NIBAN2: variants seen among roughly 807,000 people sequenced by gnomAD.
NIBAN2 encodes niban apoptosis regulator 2.
NIBAN2 carries 36 observed loss-of-function variants against 81.8 expected under a neutral mutation model. That is an observed-to-expected ratio of 0.44 (90% CI 0.34 to 0.58). NIBAN2 has a LOEUF of 0.58. NIBAN2 is among the 20% of genes least tolerant of loss of function. The pLI is 0.02. For missense variants in NIBAN2, 897 were observed against 1,014.1 expected, an observed-to-expected ratio of 0.88 and a Z score of 1.57; for synonymous variants, 445 against 441.6, an observed-to-expected ratio of 1.01 and a Z score of -0.10.
intron 9 of NIBAN2, 22 bp from the exon 10 acceptor site, chr9:127,509,153 G>A (rs750892218): frequency 5.6e-6 from 9 of 1,593,116 alleles, no homozygotes; most frequent in East Asian, 4.5e-5. Flanking sequence ...GGGGCCGCGG[G>A]GGCTGAGCAG....
chr9:127,522,261 G>A (rs1836958434), intron 5 of NIBAN2, among the ~76,000 whole-genome samples: 1 of 152,308 alleles, frequency 6.6e-6, no homozygotes, highest in South Asian at 2.1e-4. Context: ...GGCAGAGGTG[G>A]CTCTGGAGAG....
chr9:127,513,430 A>G (rs1477241126), intron 8 of NIBAN2, among the ~76,000 whole-genome samples: 4 of 152,236 alleles, frequency 2.6e-5, no homozygotes, highest in Non-Finnish European at 4.4e-5. Flanking sequence ...ACTGGGCTGC[A>G]CTGCCAGGCG....
At chr9:127,562,651 G>C (rs1362152650) in intron 1 of NIBAN2, among the ~76,000 whole-genome samples, 1 of 152,204 alleles carries the variant, frequency 6.6e-6, no homozygotes, top group Non-Finnish European at 1.5e-5. Flanking sequence ...CCCTCTAAAT[G>C]CCCAGGTTGG....
chr9:127,577,293 G>A (rs562775500), intron 1 of NIBAN2, among the ~76,000 whole-genome samples: 3 of 152,200 alleles, frequency 2.0e-5, no homozygotes, highest in East Asian at 1.9e-4. Flanking sequence ...GGGTGACAGA[G>A]CGAGACTGTG....
chr9:127,515,389 C>T (rs890031703), intron 8 of NIBAN2, among the ~76,000 whole-genome samples: 3 of 151,938 alleles, frequency 2.0e-5, no homozygotes, highest in South Asian at 4.2e-4. Context: ...GGCATGGTGG[C>T]GGGCGCCTGT....
chr9:127,531,875 C>A, intron 1 of NIBAN2, 97 bp from the exon 2 acceptor site: 1 of 1,522,140 alleles, frequency 6.6e-7, no homozygotes, highest in Non-Finnish European at 9.0e-7. Flanking sequence ...GCCCCAAATT[C>A]CTGCATGTGG....
intron 1 of NIBAN2, among the ~76,000 whole-genome samples, chr9:127,537,634 T>C (rs978445331): frequency 1.3e-4 from 20 of 152,188 alleles, no homozygotes; most frequent in African/African-American, 4.6e-4. Context: ...CCCAGAGCCG[T>C]TGGTTGCCCC....
At chr9:127,535,318 T>C (rs1405820517) in intron 1 of NIBAN2, among the ~76,000 whole-genome samples, 1 of 152,110 alleles carries the variant, frequency 6.6e-6, no homozygotes, top group Non-Finnish European at 1.5e-5. Flanking sequence ...AGTCCAGATA[T>C]GGTGTCCAGG....
chr9:127,533,670 G>A (rs1163293306), intron 1 of NIBAN2, among the ~76,000 whole-genome samples: 2 of 152,230 alleles, frequency 1.3e-5, no homozygotes, highest in Non-Finnish European at 2.9e-5. Context: ...CCTCCTATTT[G>A]TGCATATAGC....
At position 127,559,145 on chromosome 9, in the gene NIBAN2, G is replaced by C. The variant is rs899916099; in HGVS notation, c.55+9675C>G. ...TGTAACATGAGCCACAGCACATCCAGCTTGATGGAACCTTCTTGGCTGGCA... is the reference window on the plus strand; with the variant it reads ...TGTAACATGAGCCACAGCACATCCACCTTGATGGAACCTTCTTGGCTGGCA... On this transcript the variant is annotated intron_variant, in intron 1 of 13. Transcript: ENST00000373312. This position sits in a 1 kb window ranked among gnomAD's most constrained non-coding sequence, Gnocchi z 4.0. 6.6e-6 allele frequency among the ~76,000 whole-genome samples: 1 copy of C among 152,228 alleles called. No individual in the cohort carries two copies. The highest frequency in any genetic ancestry group is 1.9e-4 in the East Asian group (1 of 5,202).
chr9:127,536,976 G>T lies in NIBAN2; in HGVS notation c.56-5198C>A, dbSNP rs929813537. 4.6e-5 allele frequency among the ~76,000 whole-genome samples: 7 copies of T among 152,246 alleles called. No individual in the cohort carries two copies. Among genetic ancestry groups the T allele is most frequent in the African/African-American group, 1.7e-4 (7 of 41,458 alleles). On this transcript the variant is annotated intron_variant, in intron 1 of 13. Coordinates refer to ENST00000373312, the MANE Select transcript of NIBAN2 (RefSeq NM_022833.4). The surrounding 1 kb of genome is among the most constrained non-coding windows in gnomAD (Gnocchi z 4.0). ...CACTCGCTTCTGTGAGCTACAGAGA[G>T]GCTGGGGTGGGGTGGTGTGAAGGTG... is the stretch of plus-strand genomic sequence containing the variant.
chr9:127,510,584 G>A (rs1041156176), intron 8 of NIBAN2, among the ~76,000 whole-genome samples: 10 of 152,022 alleles, frequency 6.6e-5, no homozygotes, highest in African/African-American at 2.2e-4. Flanking sequence ...CTACAGGCGC[G>A]TGCCACTGTG....
chr9:127,508,943 G>A lies in NIBAN2; in HGVS notation c.1317+33C>T, dbSNP rs1836672388. 6.2e-7 allele frequency: 1 copy of A among 1,612,304 alleles called. No homozygotes were observed. Among genetic ancestry groups the A allele is most frequent in the South Asian group, 1.1e-5 (1 of 91,000 alleles). ...GGGGCCTGTGGAAGGCAGTGGACAG[G>A]GTGTGGGGTGGGGGTCGTAGCCTCG... is the stretch of plus-strand genomic sequence containing the variant. On this transcript the variant is annotated intron_variant, in intron 10 of 13. Coordinates refer to ENST00000373312, the MANE Select transcript of NIBAN2 (RefSeq NM_022833.4). This position sits in a 1 kb window ranked among gnomAD's most constrained non-coding sequence, Gnocchi z 6.4.
At chr9:127,532,387 G>A (rs879335145) in intron 1 of NIBAN2, among the ~76,000 whole-genome samples, 3 of 152,144 alleles carry the variant, frequency 2.0e-5, no homozygotes, top group Non-Finnish European at 2.9e-5. Flanking sequence ...CCTGAGGTCA[G>A]GAGTTCAAGC....
rs761835399 is a variant in NIBAN2 at position 127,506,808 on chromosome 9, G to A, written c.*37C>T. ...AGCCTGCCTGGGTCCGGAAGGGAACGGCCTGTGCCATGTGCAGCAGTCAGG... is the reference window on the plus strand; with the variant it reads ...AGCCTGCCTGGGTCCGGAAGGGAACAGCCTGTGCCATGTGCAGCAGTCAGG... On this transcript the variant is annotated 3_prime_UTR_variant, in exon 14 of 14. Coordinates refer to ENST00000373312, the MANE Select transcript of NIBAN2 (RefSeq NM_022833.4). 1.9e-5 allele frequency: 29 copies of A among 1,544,550 alleles called. No homozygotes were observed. The highest frequency in any genetic ancestry group is 2.0e-4 in the Middle Eastern group (1 of 4,964).
chr9:127,520,664 C>A (rs1836920821), intron 5 of NIBAN2, among the ~76,000 whole-genome samples: 1 of 152,052 alleles, frequency 6.6e-6, no homozygotes, highest in Non-Finnish European at 1.5e-5. Context: ...GCCTGTAATC[C>A]CAGCACTTTG....
In NIBAN2 at chr9:127,517,810, G is replaced by A; in HGVS notation, c.705+16C>T. 6.3e-7 allele frequency: 1 copy of A among 1,599,302 alleles called. No individual in the cohort carries two copies. Among genetic ancestry groups the A allele is most frequent in the Non-Finnish European group, 8.6e-7 (1 of 1,167,958 alleles). ...GGTGACTTCTGAGGTTTCCTCACCA[G>A]CCCGTCTGGCCTCACCTGCACCTCG... On this transcript the variant is annotated intron_variant, in intron 6 of 13. Coordinates refer to ENST00000373312, the MANE Select transcript of NIBAN2 (RefSeq NM_022833.4). The surrounding 1 kb of genome is among the most constrained non-coding windows in gnomAD (Gnocchi z 4.0).
chr9:127,578,354 CAAAAA>C (rs150337961), intron 1 of NIBAN2, among the ~76,000 whole-genome samples: 7 of 83,562 alleles, frequency 8.4e-5, no homozygotes, highest in Non-Finnish European at 9.1e-5. Flanking sequence ...GACTTGGTCT[CAAAAA>C]AAAAAAAAAA....
Position 127,510,360 on chromosome 9 carries a change from A to G in NIBAN2, c.974-27T>C, listed in dbSNP as rs755733421. 4.7e-5 allele frequency: 73 copies of G among 1,566,264 alleles called. No homozygotes were observed. The Middle Eastern group carries it at 1.3e-3, about 27-fold the overall frequency. On this transcript the variant is annotated intron_variant, in intron 8 of 13. Coordinates refer to ENST00000373312, the MANE Select transcript of NIBAN2 (RefSeq NM_022833.4). ...TGTGCCCCGAGGGAGCCGGGTCAGC[A>G]GGGGCTCCCCAAGGAGCACCTCCCA... is the stretch of plus-strand genomic sequence containing the variant.
Sources: gnomAD v4.1 joint callset for allele counts (sites outside exome capture counted in the v4.1 genomes callset) on GRCh38, gnomAD v4.1.1 for gene constraint, Gnocchi (gnomAD v3.1) non-coding constraint, MANE v1.5 for transcripts, NCBI Gene and HGNC (gene_info 2026-07-23, HGNC 2026-07-21) for gene names.